Variants in CD1B observed in about 807,000 individuals in gnomAD.
CD1B encodes CD1b molecule, also known as T-cell surface glycoprotein CD1b.
A neutral mutation model predicts 39.8 loss-of-function variants in CD1B; 43 were observed. That is an observed-to-expected ratio of 1.08 (90% CI 0.85 to 1.39). The LOEUF (loss-of-function observed/expected upper bound fraction) is 1.39, where lower values mean the gene tolerates loss of function less well. Among genes scored for constraint, CD1B ranks in the 40% most tolerant of loss-of-function variants. The probability of loss-of-function intolerance (pLI) is 0.00; values close to 1 mark genes in which losing one functional copy is unlikely to be tolerated. For synonymous variants in CD1B, 192 were observed against 152.5 expected (o/e 1.26, Z -1.91); for missense variants, 495 against 403.8 (o/e 1.23, Z -1.94).
chr1:158,329,830 G>A, intron 3 of CD1B, 22 bp downstream of exon 3: 2 of 1,601,938 alleles, frequency 1.2e-6, no homozygotes, highest in Non-Finnish European at 1.7e-6. Context: ...GTGGTGGGAA[G>A]TGAAATAACA....
chr1:158,304,493 G>T, the CD1B span, among the ~76,000 whole-genome samples: 1 of 152,190 alleles, frequency 6.6e-6, no homozygotes, highest in African/African-American at 2.4e-5. Flanking sequence ...GCCTGCCTCT[G>T]TAGACTCCAT....
At position 158,330,920 on chromosome 1, in the gene CD1B, C is replaced by T; in HGVS notation, c.204G>A (p.Leu68=). The T allele has an allele frequency of 1.2e-6, 2 of 1,614,100 alleles. No homozygotes were observed. The highest frequency in any genetic ancestry group is 1.7e-6 in the Non-Finnish European group (2 of 1,180,000). ...TAAAGTTACCTTTAGACCAAGGCTT[C>T]AGGAATATGGCAGTGCCTGAGTCGC... ...WDSDSGTAIF[L]KPWSKGNFSD... Residue 68 remains leucine (L), a synonymous_variant, in exon 2 of 6, where the codon CTG becomes CTA. Coordinates refer to ENST00000368168, the MANE Select transcript of CD1B (RefSeq NM_001764.3).
At chr1:158,292,231 C>T in the CD1B span, 1 of 1,614,094 alleles carries the variant, frequency 6.2e-7, no homozygotes, top group Admixed American at 1.7e-5. Context: ...GGAAGTTTGG[C>T]CCAAAGTGTC....
chr1:158,293,389 T>G, the CD1B span: 1 of 1,595,082 alleles, frequency 6.3e-7, no homozygotes, highest in Admixed American at 1.7e-5. Context: ...TATTGACTAC[T>G]CCACCTTATC....
chr1:158,313,248 C>T, the CD1B span, among the ~76,000 whole-genome samples: 1 of 152,126 alleles, frequency 6.6e-6, no homozygotes, highest in Non-Finnish European at 1.5e-5. Context: ...ATTTAGTTTG[C>T]TAGCATTTTC....
At chr1:158,290,642 G>A in the CD1B span, among the ~76,000 whole-genome samples, 1 of 152,300 alleles carries the variant, frequency 6.6e-6, no homozygotes, top group Admixed American at 6.5e-5. Context: ...CTTAGTTGCT[G>A]TCAGTGGCTG....
intron 4 of CD1B, 46 bp from the exon 5 acceptor site, chr1:158,329,060 C>T (rs1457370258): frequency 1.3e-6 from 2 of 1,483,496 alleles, no homozygotes; most frequent in African/African-American, 2.8e-5. Flanking sequence ...AGATACTATA[C>T]ACAGAATTCC....
the CD1B span, among the ~76,000 whole-genome samples, chr1:158,298,857 G>A: frequency 3.9e-5 from 6 of 152,128 alleles, no homozygotes; most frequent in African/African-American, 9.7e-5. Context: ...ATTTTTGCAC[G>A]TTGATTTTGT....
the CD1B span, among the ~76,000 whole-genome samples, chr1:158,290,889 T>C: frequency 6.6e-6 from 1 of 152,312 alleles, no homozygotes; most frequent in East Asian, 1.9e-4. Flanking sequence ...CATGATGGGC[T>C]TTCCCAAGAT....
At chr1:158,291,506 A>C in the CD1B span, 29 of 1,130,492 alleles carry the variant, frequency 2.6e-5, no homozygotes, top group Non-Finnish European at 3.7e-5. Flanking sequence ...TCCCACCATA[A>C]AATTCTGCAT....
the CD1B span, among the ~76,000 whole-genome samples, chr1:158,293,056 G>A: frequency 6.6e-6 from 1 of 152,126 alleles, no homozygotes; most frequent in Non-Finnish European, 1.5e-5. Flanking sequence ...GGGGAAATGA[G>A]GAATCCTTCC....
the CD1B span, chr1:158,293,609 A>C: frequency 6.2e-7 from 1 of 1,602,582 alleles, no homozygotes; most frequent in Non-Finnish European, 8.5e-7. Flanking sequence ...TTTGTTAATA[A>C]AAACCAAATT....
the CD1B span, among the ~76,000 whole-genome samples, chr1:158,300,224 T>C: frequency 6.6e-6 from 1 of 152,366 alleles, no homozygotes; most frequent in South Asian, 2.1e-4. Context: ...TCTTTATTTC[T>C]GCCTTCATTT....
chr1:158,318,079 C>G, the CD1B span, among the ~76,000 whole-genome samples: 1 of 152,078 alleles, frequency 6.6e-6, no homozygotes, highest in Non-Finnish European at 1.5e-5. Flanking sequence ...AGCTTTACTG[C>G]CAACTATGTG....
At chr1:158,285,923 G>C in the CD1B span, among the ~76,000 whole-genome samples, 12 of 152,040 alleles carry the variant, frequency 7.9e-5, no homozygotes, top group African/African-American at 2.9e-4. Context: ...TGGGGTTTCC[G>C]TAATGGGGAA....
chr1:158,304,837 A>G, the CD1B span, among the ~76,000 whole-genome samples: 1 of 152,216 alleles, frequency 6.6e-6, no homozygotes, highest in Admixed American at 6.5e-5. Flanking sequence ...GGTCTGGAGT[A>G]GACCTCCAGC....
the CD1B span, chr1:158,289,915 A>G: frequency 4.6e-6 from 3 of 645,426 alleles, no homozygotes; most frequent in Non-Finnish European, 8.3e-6. Flanking sequence ...ACCAAGGTTG[A>G]GGGAAGCAGA....
chr1:158,321,242 G>T, the CD1B span, among the ~76,000 whole-genome samples: 66 of 152,034 alleles, frequency 4.3e-4, no homozygotes, highest in Admixed American at 2.6e-4. Context: ...ATTTACCCCT[G>T]TATCAGTTTT....
the CD1B span, among the ~76,000 whole-genome samples, chr1:158,314,309 T>C: frequency 6.6e-6 from 1 of 152,314 alleles, no homozygotes; most frequent in South Asian, 2.1e-4. Flanking sequence ...GGTGTTGAAC[T>C]CTTAACAAGT....
Sources: gnomAD v4.1 joint callset for allele counts (sites outside exome capture counted in the v4.1 genomes callset) on GRCh38, gnomAD v4.1.1 for gene constraint, MANE v1.5 for transcripts, NCBI Gene and HGNC (gene_info 2026-07-23, HGNC 2026-07-21) for gene names.